STAG1: variants seen among roughly 807,000 people sequenced by gnomAD.
STAG1 encodes cohesin subunit SA-1.
A neutral mutation model predicts 170.9 loss-of-function variants in STAG1; 26 were observed. The observed-to-expected ratio is 0.15, with a 90% confidence interval of 0.11 to 0.21. STAG1 has a LOEUF of 0.21. Among genes scored for constraint, STAG1 ranks in the 10% least tolerant of loss-of-function variants. The pLI is 1.00. For missense variants in STAG1, 964 were observed against 1,509.5 expected (o/e 0.64, Z 5.99); for synonymous variants, 514 against 497.7 (o/e 1.03, Z -0.44).
intron 7 of STAG1, among the ~76,000 whole-genome samples, chr3:136,514,170 T>C (rs1247184543): frequency 1.3e-5 from 2 of 152,182 alleles, no homozygotes; most frequent in East Asian, 1.9e-4. Context: ...ACGAAAAGTA[T>C]GTTAAAACAT....
At chr3:136,564,032 T>A (rs1035503434) in intron 5 of STAG1, among the ~76,000 whole-genome samples, 3 of 151,378 alleles carry the variant, frequency 2.0e-5, no homozygotes, top group Non-Finnish European at 4.4e-5. Context: ...AAAAAAAAAA[T>A]ACAGGGAAAA....
At chr3:136,577,870 G>C (rs1937512775) in intron 4 of STAG1, among the ~76,000 whole-genome samples, 1 of 152,164 alleles carries the variant, frequency 6.6e-6, no homozygotes, top group South Asian at 2.1e-4. Flanking sequence ...AGAGATTCCA[G>C]ACTTCATACA....
chr3:136,733,303 C>A (rs1445112986), intron 1 of STAG1, among the ~76,000 whole-genome samples: 1 of 151,712 alleles, frequency 6.6e-6, no homozygotes, highest in African/African-American at 2.4e-5. Flanking sequence ...CCAGGCTGGT[C>A]TCAAACTTCT....
intron 14 of STAG1, among the ~76,000 whole-genome samples, chr3:136,448,785 A>G (rs1289061821): frequency 3.9e-5 from 6 of 152,240 alleles, no homozygotes; most frequent in African/African-American, 1.4e-4. Flanking sequence ...CTAAAAATAA[A>G]AAGATTAGCC....
chr3:136,512,774 T>C (rs1031903817), intron 7 of STAG1, among the ~76,000 whole-genome samples: 5 of 150,958 alleles, frequency 3.3e-5, no homozygotes, highest in Non-Finnish European at 5.9e-5. Flanking sequence ...GACTGCTCGA[T>C]AGTGATGCTC....
At chr3:136,459,954 G>C (rs1174470900) in intron 13 of STAG1, among the ~76,000 whole-genome samples, 1 of 151,848 alleles carries the variant, frequency 6.6e-6, no homozygotes, top group Non-Finnish European at 1.5e-5. Context: ...GGAACTAGAA[G>C]ACCCACACAA....
At position 136,336,616 on chromosome 3, in the gene STAG1, T is replaced by C. The variant is rs980731305; in HGVS notation, c.*1638A>G. 2.6e-5 allele frequency: 4 copies of C among 152,166 alleles called. No individual in the cohort carries two copies. Among genetic ancestry groups the C allele is most frequent in the Admixed American group, 1.3e-4 (2 of 15,274 alleles). The allele number at this position is 152,166 out of a possible 1,614,324, so 9.4% of individuals were successfully genotyped here. ...CCTTCACTTCCAGTGAAGCCCACAA[T>C]TCTGGGAGAAAGTGAGGCCCCAGCT... On this transcript the variant is annotated 3_prime_UTR_variant, in exon 34 of 34. Coordinates refer to ENST00000383202, the MANE Select transcript of STAG1 (RefSeq NM_005862.3).
At chr3:136,576,753 T>C (rs968511138) in intron 4 of STAG1, among the ~76,000 whole-genome samples, 2 of 152,218 alleles carry the variant, frequency 1.3e-5, no homozygotes, top group African/African-American at 4.8e-5. Context: ...AATCTAGATA[T>C]CTACATAGTA....
In STAG1 at chr3:136,377,742, A is replaced by G; in HGVS notation, c.2288T>C (p.Leu763Ser). The G allele has an allele frequency of 6.2e-7, 1 of 1,613,960 alleles. No individual in the cohort carries two copies. Among genetic ancestry groups the G allele is most frequent in the Non-Finnish European group, 8.5e-7 (1 of 1,179,896 alleles). The part of the protein sequence containing the change: ...TDGSPSKEDL[L>S]VLRKTVKSFL... The stretch of plus-strand genomic sequence containing the variant: ...GGATTTCACCGTTTTCCTCAATACC[A>G]ACAAATCCTCCTGTAAGACACATTC... Residue 763 changes from leucine (L) to serine (S), a missense_variant, in exon 23 of 34, where the codon TTG becomes TCG. By Grantham distance (145) the Leu-to-Ser change is moderately radical. Coordinates refer to ENST00000383202, the MANE Select transcript of STAG1 (RefSeq NM_005862.3).
chr3:136,571,202 T>G (rs1258350656), intron 4 of STAG1, among the ~76,000 whole-genome samples: 1 of 151,896 alleles, frequency 6.6e-6, no homozygotes, highest in East Asian at 1.9e-4. Flanking sequence ...TGTACCAATT[T>G]ATACTCCCAC....
At chr3:136,746,300 T>C (rs1193551757) in intron 1 of STAG1, among the ~76,000 whole-genome samples, 1 of 152,190 alleles carries the variant, frequency 6.6e-6, no homozygotes, top group African/African-American at 2.4e-5. Context: ...TGTTAAAATA[T>C]ATCTCCCTAG....
chr3:136,688,635 G>A (rs568687319), intron 1 of STAG1, among the ~76,000 whole-genome samples: 1 of 151,952 alleles, frequency 6.6e-6, no homozygotes, highest in African/African-American at 2.4e-5. Context: ...CAAGTGATTT[G>A]CCTGCCTTGG....
At chr3:136,723,670 C>T (rs1933458712) in intron 1 of STAG1, among the ~76,000 whole-genome samples, 1 of 147,140 alleles carries the variant, frequency 6.8e-6, no homozygotes, top group South Asian at 2.2e-4. Flanking sequence ...GGGTCAGCCC[C>T]CCGCCCGGCC....
chr3:136,413,755 G>A (rs2087695343), intron 21 of STAG1, among the ~76,000 whole-genome samples: 1 of 152,064 alleles, frequency 6.6e-6, no homozygotes, highest in Non-Finnish European at 1.5e-5. Flanking sequence ...ACCATGCCTG[G>A]TCAGTCTTCC....
Position 136,375,943 on chromosome 3 carries a change from C to T in STAG1, c.2370+1717G>A, listed in dbSNP as rs532905904. On this transcript the variant is annotated intron_variant, in intron 23 of 33. Coordinates refer to ENST00000383202, the MANE Select transcript of STAG1 (RefSeq NM_005862.3). ...GAGATCACGCCACTGCACACCAGCC[C>T]GGGCAACAGTGGGAGACTCCGTCTC... 7.6e-4 allele frequency among the ~76,000 whole-genome samples: 111 copies of T among 145,356 alleles called. 1 individual carries two copies. Among genetic ancestry groups the T allele is most frequent in the Non-Finnish European group, 1.2e-3 (80 of 67,112 alleles).
At chr3:136,518,462 A>G (rs1380343628) in intron 7 of STAG1, 2 of 687,840 alleles carry the variant, frequency 2.9e-6, no homozygotes, top group South Asian at 1.5e-5. Context: ...TTCCTCGTAC[A>G]TATACCATTA....
chr3:136,644,588 G>T (rs887928619), intron 1 of STAG1, among the ~76,000 whole-genome samples: 2 of 152,080 alleles, frequency 1.3e-5, no homozygotes, highest in Non-Finnish European at 2.9e-5. Context: ...ATTGATGTAG[G>T]TTAGTATAGC....
At chr3:136,446,547 C>G (rs780330732) in intron 14 of STAG1, among the ~76,000 whole-genome samples, 9 of 151,882 alleles carry the variant, frequency 5.9e-5, no homozygotes, top group Non-Finnish European at 1.2e-4. Context: ...CTCAGCATCC[C>G]GAGTAGCTGA....
chr3:136,397,830 G>A (rs2087209589), intron 22 of STAG1, among the ~76,000 whole-genome samples: 1 of 150,804 alleles, frequency 6.6e-6, no homozygotes, highest in South Asian at 2.1e-4. Context: ...GTTTTGCATG[G>A]TCATGGATAC....
Sources: allele counts gnomAD v4.1 joint callset (sites outside exome capture counted in the v4.1 genomes callset), GRCh38; gene constraint gnomAD v4.1.1; transcripts MANE v1.5; gene names NCBI Gene and HGNC (gene_info 2026-07-23, HGNC 2026-07-21).